The following PPFIA2 variants were observed in gnomAD, a reference collection of about 807,000 sequenced individuals.
The protein encoded by PPFIA2 is PPFI scaffold protein A2, also known as liprin-alpha-2.
PPFIA2 carries 46 observed loss-of-function variants against 175.5 expected under a neutral mutation model. The ratio of observed to expected loss-of-function variants is 0.26; its 90% CI spans 0.21 to 0.34. PPFIA2 has a LOEUF of 0.34. PPFIA2 is among the 10% of genes least tolerant of loss of function. PPFIA2 has a pLI of 1.00. For synonymous variants in PPFIA2, 568 were observed against 511.4 expected (o/e 1.11, Z -1.49); for missense variants, 1,179 against 1,506.1 (o/e 0.78, Z 3.60).
intron 13 of PPFIA2, among the ~76,000 whole-genome samples, chr12:81,367,720 G>A (rs1249675677): frequency 6.6e-6 from 1 of 151,576 alleles, no homozygotes; most frequent in Non-Finnish European, 1.5e-5. Context: ...CACAAAGTCA[G>A]TGGAAATAAG....
intron 4 of PPFIA2, among the ~76,000 whole-genome samples, chr12:81,564,329 C>T (rs1365221634): frequency 6.6e-6 from 1 of 152,116 alleles, no homozygotes; most frequent in South Asian, 2.1e-4. Flanking sequence ...CATCATTTTA[C>T]AAAGAAGGAA....
intron 4 of PPFIA2, among the ~76,000 whole-genome samples, chr12:81,463,223 G>T (rs2054972786): frequency 6.6e-6 from 1 of 151,958 alleles, no homozygotes; most frequent in Admixed American, 6.6e-5. Context: ...GAGTGAAAAA[G>T]GTAAGAAACA....
chr12:81,742,837 T>TG (rs2082494457), intron 3 of PPFIA2, among the ~76,000 whole-genome samples: 1 of 152,104 alleles, frequency 6.6e-6, no homozygotes, highest in South Asian at 2.1e-4. Context: ...ACCAGGCAAG[T>TG]GGGCTATCCT....
intron 4 of PPFIA2, among the ~76,000 whole-genome samples, chr12:81,557,680 G>T (rs1375908567): frequency 1.3e-5 from 2 of 151,984 alleles, no homozygotes; most frequent in African/African-American, 4.8e-5. Flanking sequence ...AATAGGTATA[G>T]AAATTTCCTT....
chr12:81,456,980 A>AT (rs530091357), intron 5 of PPFIA2, among the ~76,000 whole-genome samples: 381 of 149,322 alleles, frequency 2.6e-3, no homozygotes, highest in African/African-American at 8.7e-3. Context: ...TCTTGACACT[A>AT]TTTTTTGTTT....
At chr12:81,475,450 ATG>A (rs538780847) in intron 4 of PPFIA2, among the ~76,000 whole-genome samples, 314 of 152,266 alleles carry the variant, frequency 2.1e-3, no homozygotes, top group Non-Finnish European at 3.1e-3. Flanking sequence ...ATTTTATATA[ATG>A]TGTTTTATAA....
chr12:81,369,385 C>T lies in PPFIA2; in HGVS notation c.1267-191G>A, dbSNP rs1478390080. 3 of 1,438,374 alleles carry T rather than the reference C, an allele frequency of 2.1e-6. No individual in the cohort carries two copies. The East Asian group carries it at 8.3e-5, about 40-fold the overall frequency. The allele number at this position is 1,438,374 out of a possible 1,614,324, so 89.1% of individuals were successfully genotyped here. A position where few individuals can be genotyped will look rare whatever the true frequency, so the allele number is the denominator to read the frequency against. On this transcript the variant is annotated intron_variant, in intron 11 of 32. Transcript: ENST00000549396. ...TGTCAGCTACAAAGGCCTGTTACAT[C>T]CAAGCATCAGCAAAACATTGGAGTT...
chr12:81,710,529 T>C (rs2077757402), intron 3 of PPFIA2, among the ~76,000 whole-genome samples: 1 of 152,070 alleles, frequency 6.6e-6, no homozygotes, highest in African/African-American at 2.4e-5. Flanking sequence ...ATAAATATAG[T>C]TTGAGTATTT....
At chr12:81,472,978 G>C (rs919584101) in intron 4 of PPFIA2, 1 of 152,080 alleles carries the variant, frequency 6.6e-6, no homozygotes, top group Non-Finnish European at 1.5e-5. Flanking sequence ...CTTAATCTTT[G>C]CAATTATTCA....
chr12:81,498,901 A>T (rs1317514766), intron 4 of PPFIA2, among the ~76,000 whole-genome samples: 1 of 152,066 alleles, frequency 6.6e-6, no homozygotes, highest in African/African-American at 2.4e-5. Context: ...GGGATTAGAG[A>T]CGTGAGCCAC....
At chr12:81,271,908 C>A (rs951935389) in intron 28 of PPFIA2, among the ~76,000 whole-genome samples, 15 of 151,572 alleles carry the variant, frequency 9.9e-5, no homozygotes, top group African/African-American at 3.6e-4. Flanking sequence ...TCTAATATTT[C>A]TTTTCTATTT....
chr12:81,620,925 T>A (rs2061978661), intron 4 of PPFIA2, among the ~76,000 whole-genome samples: 1 of 152,250 alleles, frequency 6.6e-6, no homozygotes, highest in Non-Finnish European at 1.5e-5. Flanking sequence ...AAGTCATGGA[T>A]TCATTTACCA....
At chr12:81,753,070 G>T (rs541743751) in intron 3 of PPFIA2, among the ~76,000 whole-genome samples, 2 of 152,056 alleles carry the variant, frequency 1.3e-5, no homozygotes, top group South Asian at 4.2e-4. Context: ...CAGTAGCTGG[G>T]ACTACAGGCG....
rs1371902921 is a variant in PPFIA2, at chr12:81,294,674, C to A, written c.2925+161G>T. On this transcript the variant is annotated intron_variant, in intron 24 of 32. Transcript: ENST00000549396. ...GAATCATAGTTCCTCATTTGAAAAC[C>A]TATTAAAAGTAGCAGCAAGGTTAAT... is the stretch of plus-strand genomic sequence containing the variant. 8.9e-6 allele frequency: 6 copies of A among 677,954 alleles called. No individual in the cohort carries two copies. The East Asian group carries it at 1.6e-4, about 19-fold the overall frequency. 42.0% of individuals were successfully genotyped at this position (677,954 alleles called of 1,614,324 possible).
At chr12:81,430,549 CTCT>C (rs531794824) in intron 7 of PPFIA2, 67 of 151,918 alleles carry the variant, frequency 4.4e-4, no homozygotes, top group African/African-American at 1.5e-3. Flanking sequence ...CTCTCTCTCT[CTCT>C]CTCTCTCAAT....
intron 15 of PPFIA2, among the ~76,000 whole-genome samples, chr12:81,362,011 A>C (rs1320318797): frequency 9.6e-6 from 1 of 104,638 alleles, no homozygotes; most frequent in Non-Finnish European, 1.8e-5. Context: ...CTATGTATCT[A>C]TCTATCTATC....
chr12:81,642,735 A>ATATATTATATACATACACG (rs1567688489), intron 4 of PPFIA2, among the ~76,000 whole-genome samples: 1 of 7,072 alleles, frequency 1.4e-4, no homozygotes, highest in Non-Finnish European at 4.9e-4. Context: ...ATACATGTAT[A>ATATATTATATACATACACG]TGTATGTATG....
At chr12:81,356,894 C>T (rs545295379) in intron 16 of PPFIA2, among the ~76,000 whole-genome samples, 1 of 152,158 alleles carries the variant, frequency 6.6e-6, no homozygotes, top group African/African-American at 2.4e-5. Flanking sequence ...CCAAGGCATG[C>T]TAATTTACAT....
At chr12:81,390,344 T>C (rs1409866997) in intron 8 of PPFIA2, among the ~76,000 whole-genome samples, 1 of 152,054 alleles carries the variant, frequency 6.6e-6, no homozygotes, top group African/African-American at 2.4e-5. Flanking sequence ...ATCTTTAACA[T>C]GTTGAGGAAA....
Sources: gnomAD v4.1 joint callset for allele counts (sites outside exome capture counted in the v4.1 genomes callset) on GRCh38, gnomAD v4.1.1 for gene constraint, MANE v1.5 for transcripts, NCBI Gene and HGNC (gene_info 2026-07-23, HGNC 2026-07-21) for gene names.